The following ANGPT1 variants were observed in gnomAD, a reference collection of about 807,000 sequenced individuals.
ANGPT1 encodes the protein angiopoietin 1, also known as angiopoietin-1.
A neutral mutation model predicts 62.2 loss-of-function variants in ANGPT1; 17 were observed. The observed-to-expected ratio is 0.27, with a 90% CI of 0.19 to 0.41. The LOEUF (loss-of-function observed/expected upper bound fraction) is 0.41, where lower values mean the gene tolerates loss of function less well. Ranked by LOEUF, ANGPT1 falls within the 10% of genes least tolerant of loss-of-function variation. The pLI, the probability that ANGPT1 is intolerant of heterozygous loss-of-function variation, is 1.00. For synonymous variants in ANGPT1, 199 were observed against 198.9 expected (o/e 1.00, Z 0.00); for missense variants, 478 against 594.9 (o/e 0.80, Z 2.04).
chr8:107,304,369 GTTTT>G (rs1424487597), intron 4 of ANGPT1, among the ~76,000 whole-genome samples: 1 of 151,342 alleles, frequency 6.6e-6, no homozygotes, highest in African/African-American at 2.4e-5. Context: ...TTAGTAATTG[GTTTT>G]ATTTAACCTT....
chr8:107,363,428 T>C (rs1816208862), intron 1 of ANGPT1, among the ~76,000 whole-genome samples: 1 of 152,158 alleles, frequency 6.6e-6, no homozygotes, highest in Non-Finnish European at 1.5e-5. Flanking sequence ...TATTATTGCT[T>C]TTTCCAAGTT....
chr8:107,280,885 A>G (rs55810924), intron 7 of ANGPT1, among the ~76,000 whole-genome samples: 26,334 of 152,112 alleles, frequency 0.17, 2,524 homozygotes, highest in Middle Eastern at 0.29. Flanking sequence ...ATGAAGACTA[A>G]AGAGGCAGGA....
intron 1 of ANGPT1, among the ~76,000 whole-genome samples, chr8:107,349,506 A>G (rs1471035138): frequency 6.6e-6 from 1 of 152,210 alleles, no homozygotes; most frequent in African/African-American, 2.4e-5. Context: ...AAAATTACAG[A>G]TAAGTCTCCA....
chr8:107,402,301 C>G (rs1167336648), intron 1 of ANGPT1, among the ~76,000 whole-genome samples: 2 of 152,076 alleles, frequency 1.3e-5, no homozygotes, highest in African/African-American at 4.8e-5. Flanking sequence ...TATATTCCAG[C>G]CCAATTTGTG....
At chr8:107,323,444 C>T (rs1053675380) in intron 3 of ANGPT1, among the ~76,000 whole-genome samples, 2 of 152,070 alleles carry the variant, frequency 1.3e-5, no homozygotes, top group African/African-American at 4.8e-5. Flanking sequence ...GTTTTAGATT[C>T]AATACTTAAA....
intron 1 of ANGPT1, among the ~76,000 whole-genome samples, chr8:107,400,750 G>A (rs1392207959): frequency 3.9e-5 from 6 of 151,900 alleles, no homozygotes; most frequent in Admixed American, 2.6e-4. Flanking sequence ...AGTAAAGACG[G>A]GTTTTCACCA....
At chr8:107,471,603 A>G (rs113798094) in intron 1 of ANGPT1, among the ~76,000 whole-genome samples, 3 of 152,208 alleles carry the variant, frequency 2.0e-5, no homozygotes, top group Admixed American at 6.6e-5. Context: ...GTCACCCATA[A>G]ACATTAGAAA....
Position 107,250,272 on chromosome 8 carries a change from T to TA in ANGPT1, c.*1582dup, listed in dbSNP as rs1160992970. ...GTTTACTGTCATAACCTTGGACACT[T>TA]ACAGGCAGAGAAGACTTCTTGATAA... On this transcript the variant is annotated 3_prime_UTR_variant, in exon 9 of 9. Transcript: ENST00000517746. 12 of 152,268 alleles carry TA rather than the reference T, an allele frequency of 7.9e-5. No individual in the cohort carries two copies. The South Asian group carries it at 1.2e-3, about 16-fold the overall frequency. 9.4% of individuals were successfully genotyped at this position (152,268 alleles called of 1,614,324 possible). A position where few individuals can be genotyped will look rare whatever the true frequency, so the allele number is the denominator to read the frequency against.
rs79320904 is a variant in ANGPT1, at chr8:107,424,735, G to A, written c.297+72527C>T. Reference sequence around the variant, plus strand: ...GCATGAATGTTATGATGACTGCTACGGGATTAATTATTTTATTTGGAATCA... The same window carrying A: ...GCATGAATGTTATGATGACTGCTACAGGATTAATTATTTTATTTGGAATCA... On this transcript the variant is annotated intron_variant, in intron 1 of 8. Transcript: ENST00000517746. 6.6e-3 allele frequency among the ~76,000 whole-genome samples: 1,011 copies of A among 152,134 alleles called. 10 individuals carry two copies. The highest frequency in any genetic ancestry group is 0.023 in the African/African-American group (954 of 41,498).
chr8:107,460,100 G>A (rs1283720), intron 1 of ANGPT1, among the ~76,000 whole-genome samples: 18,081 of 152,116 alleles, frequency 0.12, 1,139 homozygotes, highest in South Asian at 0.17. Context: ...ACAAGGACAC[G>A]TCTGAGCATT....
intron 1 of ANGPT1, among the ~76,000 whole-genome samples, chr8:107,355,980 T>C (rs1490878398): frequency 1.3e-5 from 2 of 152,164 alleles, no homozygotes; most frequent in Admixed American, 6.5e-5. Context: ...CTCAATACCA[T>C]TTTGATAAAT....
intron 1 of ANGPT1, among the ~76,000 whole-genome samples, chr8:107,382,529 T>G (rs1816659190): frequency 8.6e-6 from 1 of 115,888 alleles, no homozygotes; most frequent in Admixed American, 8.9e-5. Context: ...AATTTTGTCT[T>G]TGAAAAAGAA....
intron 1 of ANGPT1, among the ~76,000 whole-genome samples, chr8:107,368,903 A>G (rs1228250561): frequency 6.6e-6 from 1 of 151,604 alleles, no homozygotes; most frequent in East Asian, 1.9e-4. Context: ...TCTTAAGAAT[A>G]ATTCTTAAGG....
At chr8:107,350,028 T>C (rs763656653) in intron 1 of ANGPT1, among the ~76,000 whole-genome samples, 3 of 152,114 alleles carry the variant, frequency 2.0e-5, no homozygotes, top group Non-Finnish European at 4.4e-5. Flanking sequence ...ATGAGGAGTT[T>C]GCACCAGGAT....
intron 1 of ANGPT1, among the ~76,000 whole-genome samples, chr8:107,391,242 A>C (rs1816829531): frequency 6.6e-6 from 1 of 152,154 alleles, no homozygotes. Context: ...GGTATGGGAG[A>C]GCAAGTTTCT....
chr8:107,480,414 T>C (rs1483178671), intron 1 of ANGPT1, among the ~76,000 whole-genome samples: 2 of 152,128 alleles, frequency 1.3e-5, no homozygotes, highest in African/African-American at 4.8e-5. Context: ...TGAAGTTTGG[T>C]TGGAAGAATG....
chr8:107,381,190 C>CT (rs1021732804), intron 1 of ANGPT1, among the ~76,000 whole-genome samples: 1 of 152,144 alleles, frequency 6.6e-6, no homozygotes, highest in African/African-American at 2.4e-5. Context: ...TTTCAATGAA[C>CT]TTTTTTATCA....
At chr8:107,419,457 C>A (rs558237466) in intron 1 of ANGPT1, among the ~76,000 whole-genome samples, 1 of 152,236 alleles carries the variant, frequency 6.6e-6, no homozygotes, top group South Asian at 2.1e-4. Context: ...ACCATTAGAT[C>A]ATACCCTTTT....
intron 1 of ANGPT1, among the ~76,000 whole-genome samples, chr8:107,391,548 C>G (rs367758704): frequency 1.3e-5 from 2 of 151,912 alleles, no homozygotes; most frequent in African/African-American, 4.8e-5. Flanking sequence ...GTGCCTTTAA[C>G]CCCAGCTACT....
Sources: gnomAD v4.1 joint callset for allele counts (sites outside exome capture counted in the v4.1 genomes callset) on GRCh38, gnomAD v4.1.1 for gene constraint, MANE v1.5 for transcripts, NCBI Gene and HGNC (gene_info 2026-07-23, HGNC 2026-07-21) for gene names.